Variants in TSPAN11 observed in about 807,000 individuals in gnomAD.
TSPAN11 encodes tetraspanin-11.
In TSPAN11, 29 loss-of-function variants were observed where a neutral mutation model predicts 32.9. The observed-to-expected ratio is 0.88, with a 90% confidence interval of 0.66 to 1.20. The LOEUF is 1.20. TSPAN11 is among the 50% of genes most tolerant of loss of function. The pLI is 0.00. For missense variants in TSPAN11, 283 were observed against 329.1 expected, an observed-to-expected ratio of 0.86 and a Z score of 1.08; for synonymous variants, 140 against 141.3, an observed-to-expected ratio of 0.99 and a Z score of 0.07.
intron 2 of TSPAN11, chr12:30,954,510 G>T: frequency 5.2e-6 from 1 of 192,430 alleles, no homozygotes; most frequent in Non-Finnish European, 1.1e-5. Context: ...AAGTCCTGGA[G>T]GCTCCAACTA....
the TSPAN11 span, among the ~76,000 whole-genome samples, chr12:31,006,198 T>C: frequency 4.6e-5 from 7 of 152,098 alleles, no homozygotes. Flanking sequence ...CAAGCTATCA[T>C]CTAGTCTATG....
At chr12:30,963,353 C>T (rs1938652700) in intron 2 of TSPAN11, among the ~76,000 whole-genome samples, 1 of 152,194 alleles carries the variant, frequency 6.6e-6, no homozygotes, top group East Asian at 1.9e-4. Flanking sequence ...TGTGCTTCCC[C>T]AATGGGCAAA....
chr12:30,931,685 G>C (rs963877557), intron 1 of TSPAN11, among the ~76,000 whole-genome samples: 17 of 151,912 alleles, frequency 1.1e-4, no homozygotes, highest in African/African-American at 3.6e-4. Context: ...TTCAAGACCA[G>C]CCTGGCCAAC....
At chr12:31,006,070 T>C in the TSPAN11 span, 2 of 153,418 alleles carry the variant, frequency 1.3e-5, no homozygotes, top group African/African-American at 4.8e-5. Context: ...GGACGCCCAG[T>C]ACAGGAAGGA....
Position 30,975,707 on chromosome 12 carries a change from G to A in TSPAN11, c.277-2854G>A, listed in dbSNP as rs767456990. 1.1e-4 allele frequency among the ~76,000 whole-genome samples: 16 copies of A among 151,972 alleles called. No homozygotes were observed. Among genetic ancestry groups the A allele is most frequent in the South Asian group, 2.1e-4 (1 of 4,798 alleles). ...GCAGTGGCTTCCCCCGAGAAGTGGC[G>A]TGACACTGCCAGCTATCCAGGAGTA... On this transcript the variant is annotated intron_variant, in intron 3 of 7. Coordinates refer to ENST00000546076, the MANE Select transcript of TSPAN11 (RefSeq NM_001370302.1). This position sits in a 1 kb window ranked among gnomAD's most constrained non-coding sequence, Gnocchi z 4.5.
the TSPAN11 span, among the ~76,000 whole-genome samples, chr12:31,004,732 G>A: frequency 2.6e-5 from 4 of 152,186 alleles, no homozygotes; most frequent in Non-Finnish European, 5.9e-5. Context: ...CGCATGTGGT[G>A]GAAGGGGCGG....
intron 2 of TSPAN11, among the ~76,000 whole-genome samples, chr12:30,961,115 C>T (rs1029572521): frequency 3.3e-5 from 5 of 151,730 alleles, no homozygotes; most frequent in Non-Finnish European, 7.4e-5. Context: ...GTTGAATCAA[C>T]TGTATGCCAA....
chr12:30,927,068 T>C, intron 1 of TSPAN11: 1 of 1,263,342 alleles, frequency 7.9e-7, no homozygotes. Flanking sequence ...AGTCTGCCTT[T>C]CTGCACTTGT....
chr12:30,987,863 T>C (rs750798032), intron 7 of TSPAN11, among the ~76,000 whole-genome samples: 1 of 152,108 alleles, frequency 6.6e-6, no homozygotes, highest in Non-Finnish European at 1.5e-5. Context: ...GGACTGTTCC[T>C]GGGAGGTTCC....
intron 7 of TSPAN11, among the ~76,000 whole-genome samples, chr12:30,985,056 G>T (rs1044991377): frequency 6.6e-6 from 1 of 152,106 alleles, no homozygotes; most frequent in African/African-American, 2.4e-5. Flanking sequence ...CCAGTGCAGG[G>T]TCCTTGGAAA....
At chr12:30,979,511 AG>A in intron 4 of TSPAN11, 54 bp from the exon 5 acceptor site, 1 of 1,548,522 alleles carries the variant, frequency 6.5e-7, no homozygotes, top group South Asian at 1.1e-5. Context: ...GCCCGGTGCC[AG>A]GGCAGGGGTG....
intron 7 of TSPAN11, among the ~76,000 whole-genome samples, chr12:30,990,475 C>T (rs572530328): frequency 2.0e-4 from 31 of 152,344 alleles, no homozygotes; most frequent in African/African-American, 7.0e-4. Context: ...AACGGCATGA[C>T]GGCCGCCTGC....
chr12:30,978,113 A>T (rs1939011811), intron 3 of TSPAN11, among the ~76,000 whole-genome samples: 1 of 152,104 alleles, frequency 6.6e-6, no homozygotes, highest in South Asian at 2.1e-4. Context: ...ATGCCTATTC[A>T]GTCCTTAAAG....
chr12:30,965,438 A>C (rs1773143968), intron 3 of TSPAN11, among the ~76,000 whole-genome samples: 1 of 150,662 alleles, frequency 6.6e-6, no homozygotes, highest in South Asian at 2.1e-4. Flanking sequence ...ACAGCCCAAG[A>C]AAGAATACAG....
chr12:31,002,991 T>G, the TSPAN11 span, among the ~76,000 whole-genome samples: 1 of 152,146 alleles, frequency 6.6e-6, no homozygotes, highest in Non-Finnish European at 1.5e-5. This position sits in a 1 kb window ranked among gnomAD's most constrained non-coding sequence, Gnocchi z 4.8. Context: ...TCTCACCCCC[T>G]GCCTGCTCAC....
At chr12:30,982,745 A>G in intron 6 of TSPAN11, 55 bp downstream of exon 6, 1 of 1,506,842 alleles carries the variant, frequency 6.6e-7, no homozygotes, top group Non-Finnish European at 8.9e-7. Flanking sequence ...CTGGCCGTTC[A>G]GGAGCCCCAG....
chr12:30,982,151 A>T (rs1408206551), intron 5 of TSPAN11, among the ~76,000 whole-genome samples: 1 of 152,188 alleles, frequency 6.6e-6, no homozygotes, highest in Non-Finnish European at 1.5e-5. Flanking sequence ...CTGGGTGACC[A>T]GGAAACTCCC....
Position 30,963,969 on chromosome 12 carries a change from C to A in TSPAN11, c.228C>A (p.Phe76Leu). ...GCGTACTTGTCATGGTGACCGGCTT[C>A]CTGGGCTTCGGTGCCATCCTCTGGG... ...FAGVLVMVTGFLGFGAILWER... is the reference protein window; with the variant it reads ...FAGVLVMVTGLLGFGAILWER... Residue 76 changes from phenylalanine (F) to leucine (L), a missense_variant, in exon 3 of 8, where the codon TTC becomes TTA. By Grantham distance (22) the Phe-to-Leu change is conservative (BLOSUM62 0). Transcript: ENST00000546076. 6.2e-7 allele frequency: 1 copy of A among 1,614,094 alleles called. No homozygotes were observed. The highest frequency in any genetic ancestry group is 1.3e-5 in the African/African-American group (1 of 75,048).
intron 3 of TSPAN11, among the ~76,000 whole-genome samples, chr12:30,972,407 C>T (rs1268717101): frequency 2.0e-5 from 3 of 152,138 alleles, no homozygotes; most frequent in African/African-American, 7.2e-5. Context: ...GACCATGGCT[C>T]AGAAACTTCT....
Sources: allele counts gnomAD v4.1 joint callset (sites outside exome capture counted in the v4.1 genomes callset), GRCh38; gene constraint gnomAD v4.1.1; non-coding constraint Gnocchi (gnomAD v3.1); transcripts MANE v1.5; gene names NCBI Gene and HGNC (gene_info 2026-07-23, HGNC 2026-07-21).